The following SV2B variants were observed in gnomAD, a reference collection of about 807,000 sequenced individuals.
SV2B encodes synaptic vesicle glycoprotein 2B.
SV2B carries 41 observed loss-of-function variants against 73.9 expected under a neutral mutation model. That is an observed-to-expected ratio of 0.56 (90% CI 0.43 to 0.72). The LOEUF is 0.72. Ranked by LOEUF, SV2B falls within the 30% of genes least tolerant of loss-of-function variation. The pLI, the probability that SV2B is intolerant of heterozygous loss-of-function variation, is 0.00. For synonymous variants in SV2B, 314 were observed against 314.2 expected, an observed-to-expected ratio of 1.00 and a Z score of 0.01; for missense variants, 764 against 857.8, an observed-to-expected ratio of 0.89 and a Z score of 1.37.
chr15:91,182,865 C>T (rs910074855), intron 1 of SV2B, among the ~76,000 whole-genome samples: 3 of 152,152 alleles, frequency 2.0e-5, no homozygotes, highest in Admixed American at 1.3e-4. Flanking sequence ...TGTAGATGTA[C>T]ACACAACTGC....
rs1308909479 is a variant in SV2B, at chr15:91,124,640, ATTTC to A, written c.-392+24286_-392+24289del. ...GGAACGGGTGATCTAAACAACAGAA[ATTTC>A]TTTCTTTCAACAAAAATTTTTTTTT... On this transcript the variant is annotated intron_variant, in intron 1 of 12. Coordinates refer to ENST00000394232, the MANE Select transcript of SV2B (RefSeq NM_001323032.3). The surrounding 1 kb of genome is among the most constrained non-coding windows in gnomAD (Gnocchi z 4.6). Among the ~76,000 whole-genome samples, 1 of 151,794 alleles carries A rather than the reference ATTTC, an allele frequency of 6.6e-6. No individual in the cohort carries two copies. Among genetic ancestry groups the A allele is most frequent in the African/African-American group, 2.4e-5 (1 of 41,272 alleles).
At chr15:91,100,243 C>A (rs932873682), upstream of SV2B, 3 of 152,084 alleles carry the variant, frequency 2.0e-5, no homozygotes, top group East Asian at 1.9e-4. This position sits in a 1 kb window ranked among gnomAD's most constrained non-coding sequence, Gnocchi z 6.4. Flanking sequence ...TGACACCCGC[C>A]GGCGCCTGCC....
chr15:91,256,067 G>A (rs2047677290), intron 4 of SV2B, among the ~76,000 whole-genome samples: 1 of 152,084 alleles, frequency 6.6e-6, no homozygotes. Context: ...AGCTCAGAAT[G>A]TTTTCCTGTG....
Position 91,281,701 on chromosome 15 carries a change from C to A in SV2B, c.1374-27C>A. 1 of 1,529,990 alleles carries A rather than the reference C, an allele frequency of 6.5e-7. No individual in the cohort carries two copies. Among genetic ancestry groups the A allele is most frequent in the Non-Finnish European group, 8.8e-7 (1 of 1,130,878 alleles). The allele number at this position is 1,529,990 out of a possible 1,614,324, so 94.8% of individuals were successfully genotyped here. On this transcript the variant is annotated intron_variant, in intron 9 of 12. Transcript: ENST00000394232. The surrounding 1 kb of genome is among the most constrained non-coding windows in gnomAD (Gnocchi z 4.7). ...AAGTCTCTTTTTTTCTCAGATGAAT[C>A]ACTCAAGGGTCAACCTCTTCCCACA...
At position 91,245,654 on chromosome 15, in the gene SV2B, A is replaced by G. The variant is rs2047193300; in HGVS notation, c.452-6165A>G. On this transcript the variant is annotated intron_variant, in intron 2 of 12. Transcript: ENST00000394232. This position sits in a 1 kb window ranked among gnomAD's most constrained non-coding sequence, Gnocchi z 4.2. Reference sequence around the variant, plus strand: ...GAGACACAGTGTCGAACTCTCCTCAAGCAAAATCAACATGGTCCCTTCGTC... The same window carrying G: ...GAGACACAGTGTCGAACTCTCCTCAGGCAAAATCAACATGGTCCCTTCGTC... 6.6e-6 allele frequency among the ~76,000 whole-genome samples: 1 copy of G among 152,222 alleles called. No homozygotes were observed. Among genetic ancestry groups the G allele is most frequent in the Non-Finnish European group, 1.5e-5 (1 of 68,042 alleles).
intron 1 of SV2B, among the ~76,000 whole-genome samples, chr15:91,164,571 G>C (rs1442876070): frequency 2.0e-5 from 3 of 152,158 alleles, no homozygotes; most frequent in East Asian, 1.9e-4. Flanking sequence ...TATATCTGCA[G>C]AATTTCTTTA....
intron 1 of SV2B, among the ~76,000 whole-genome samples, chr15:91,152,816 T>C (rs1024716086): frequency 3.3e-5 from 5 of 152,212 alleles, no homozygotes; most frequent in Non-Finnish European, 7.3e-5. Flanking sequence ...CATGATTAGA[T>C]AGATAAAAGA....
chr15:91,116,483 T>C (rs2042181476), intron 1 of SV2B, among the ~76,000 whole-genome samples: 1 of 152,210 alleles, frequency 6.6e-6, no homozygotes, highest in Non-Finnish European at 1.5e-5. Flanking sequence ...GAATGAGGTG[T>C]GCTCTGCATC....
Position 91,132,308 on chromosome 15 carries a change from G to T in SV2B, c.-392+31945G>T, listed in dbSNP as rs1465503626. On this transcript the variant is annotated intron_variant, in intron 1 of 12. Coordinates refer to ENST00000394232, the MANE Select transcript of SV2B (RefSeq NM_001323032.3). The surrounding 1 kb of genome is among the most constrained non-coding windows in gnomAD (Gnocchi z 4.6). Reference sequence around the variant, plus strand: ...CAATCAGTCTGATTGGTTGCAGAAAGCAGCCAACCAGAGGCTGAAGTGAAG... The same window carrying T: ...CAATCAGTCTGATTGGTTGCAGAAATCAGCCAACCAGAGGCTGAAGTGAAG... 6.6e-6 allele frequency among the ~76,000 whole-genome samples: 1 copy of T among 152,150 alleles called. No individual in the cohort carries two copies. The highest frequency in any genetic ancestry group is 1.9e-4 in the East Asian group (1 of 5,188).
At chr15:91,133,821 TC>T (rs2042730346) in intron 1 of SV2B, among the ~76,000 whole-genome samples, 1 of 152,152 alleles carries the variant, frequency 6.6e-6, no homozygotes, top group Non-Finnish European at 1.5e-5. Context: ...AGGTATGCGA[TC>T]CATGAGAAGC....
At position 91,231,537 on chromosome 15, in the gene SV2B, T is replaced by C. The variant is rs1242509567; in HGVS notation, c.451+4823T>C. Among the ~76,000 whole-genome samples the C allele has an allele frequency of 6.6e-6, 1 of 152,214 alleles. No homozygotes were observed. Among genetic ancestry groups the C allele is most frequent in the African/African-American group, 2.4e-5 (1 of 41,454 alleles). On this transcript the variant is annotated intron_variant, in intron 2 of 12. Transcript: ENST00000394232. This position sits in a 1 kb window ranked among gnomAD's most constrained non-coding sequence, Gnocchi z 4.5. The stretch of plus-strand genomic sequence containing the variant: ...AAATGGCAAAAACTGCAATTACTTT[T>C]GCACCAACCTATAGGATGACAATAT...
At chr15:91,188,695 A>G (rs8031181) in intron 1 of SV2B, among the ~76,000 whole-genome samples, 1 of 152,070 alleles carries the variant, frequency 6.6e-6, no homozygotes, top group Non-Finnish European at 1.5e-5. Flanking sequence ...GAAAAAGATT[A>G]ATCTGAACAC....
At position 91,139,656 on chromosome 15, in the gene SV2B, C is replaced by T. The variant is rs2042944368; in HGVS notation, c.-392+39293C>T. Among the ~76,000 whole-genome samples, 1 of 152,170 alleles carries T rather than the reference C, an allele frequency of 6.6e-6. No homozygotes were observed. Among genetic ancestry groups the T allele is most frequent in the Non-Finnish European group, 1.5e-5 (1 of 68,030 alleles). On this transcript the variant is annotated intron_variant, in intron 1 of 12. Coordinates refer to ENST00000394232, the MANE Select transcript of SV2B (RefSeq NM_001323032.3). The surrounding 1 kb of genome is among the most constrained non-coding windows in gnomAD (Gnocchi z 5.2). ...CAGAGAAGGCAAAAGCAAATTCTGT[C>T]TGAAAGAGAGCACCCTCCATTTAGG...
In SV2B at chr15:91,288,634, C is replaced by T. The variant is rs1045734034; in HGVS notation, c.1709-887C>T. Among the ~76,000 whole-genome samples, 4 of 151,496 alleles carry T rather than the reference C, an allele frequency of 2.6e-5. No individual in the cohort carries two copies. Among genetic ancestry groups the T allele is most frequent in the Non-Finnish European group, 5.9e-5 (4 of 67,896 alleles). On this transcript the variant is annotated intron_variant, in intron 11 of 12. Transcript: ENST00000394232. The surrounding 1 kb of genome is among the most constrained non-coding windows in gnomAD (Gnocchi z 5.8). ...CTCCTTCCTCTCTCTCTCTTTCTCT[C>T]TTCTTTCTTTCTCTCTCTCTCTCTC...
intron 9 of SV2B, among the ~76,000 whole-genome samples, chr15:91,279,441 T>G (rs188415920): frequency 3.9e-5 from 6 of 152,396 alleles, no homozygotes; most frequent in Non-Finnish European, 7.3e-5. Flanking sequence ...TACAAAGTAC[T>G]GTTGCTAACA....
chr15:91,287,864 C>T (rs542301979), intron 11 of SV2B, among the ~76,000 whole-genome samples: 1 of 152,318 alleles, frequency 6.6e-6, no homozygotes, highest in Admixed American at 6.5e-5. Flanking sequence ...ACCTCTATGG[C>T]TGTGAGGACA....
At chr15:91,166,012 T>A (rs2043898797) in intron 1 of SV2B, among the ~76,000 whole-genome samples, 1 of 152,250 alleles carries the variant, frequency 6.6e-6, no homozygotes, top group Non-Finnish European at 1.5e-5. Flanking sequence ...AATCCTTTTC[T>A]TTCAGCACTT....
Position 91,245,753 on chromosome 15 carries a change from T to C in SV2B, c.452-6066T>C, listed in dbSNP as rs138886096. On this transcript the variant is annotated intron_variant, in intron 2 of 12. Transcript: ENST00000394232. The surrounding 1 kb of genome is among the most constrained non-coding windows in gnomAD (Gnocchi z 4.2). ...TATAACATCAAATAGAGACATGTGA[T>C]ACAAAGGAAAAGCAATAGTATGCTG... 2.2e-4 allele frequency among the ~76,000 whole-genome samples: 33 copies of C among 152,240 alleles called. No homozygotes were observed. The East Asian group carries it at 5.6e-3, about 26-fold the overall frequency.
intron 1 of SV2B, among the ~76,000 whole-genome samples, chr15:91,198,786 C>T (rs1302279623): frequency 2.6e-5 from 4 of 152,112 alleles, no homozygotes; most frequent in East Asian, 3.8e-4. Context: ...GTTAAAGCTA[C>T]GTGGAGAACT....
Sources: allele counts gnomAD v4.1 joint callset (sites outside exome capture counted in the v4.1 genomes callset), GRCh38; gene constraint gnomAD v4.1.1; non-coding constraint Gnocchi (gnomAD v3.1); transcripts MANE v1.5; gene names NCBI Gene and HGNC (gene_info 2026-07-23, HGNC 2026-07-21).